The following AMPH variants were observed in gnomAD, a reference collection of about 807,000 sequenced individuals.
AMPH encodes amphiphysin (Stiff-Mann syndrome with breast cancer 128kD autoantigen).
In AMPH, 49 loss-of-function variants were observed where a neutral mutation model predicts 99.1. The observed-to-expected ratio is 0.49, with a 90% CI of 0.39 to 0.63. AMPH has a LOEUF of 0.63. AMPH is among the 20% of genes least tolerant of loss of function. The pLI is 0.00. For missense variants in AMPH, 759 were observed against 863.4 expected, an observed-to-expected ratio of 0.88 and a Z score of 1.52; for synonymous variants, 314 against 317.3, an observed-to-expected ratio of 0.99 and a Z score of 0.11.
intron 1 of AMPH, among the ~76,000 whole-genome samples, chr7:38,613,957 G>A (rs1793774738): frequency 6.6e-6 from 1 of 152,070 alleles, no homozygotes; most frequent in Non-Finnish European, 1.5e-5. Context: ...TACTCAACAT[G>A]TGACATGGCA....
At chr7:38,445,837 T>C (rs554974386) in intron 11 of AMPH, among the ~76,000 whole-genome samples, 1 of 152,236 alleles carries the variant, frequency 6.6e-6, no homozygotes, top group South Asian at 2.1e-4. Flanking sequence ...GACTGGATCA[T>C]GGGGGCGGAG....
At chr7:38,467,546 A>G (rs1472663405) in intron 7 of AMPH, among the ~76,000 whole-genome samples, 3 of 152,120 alleles carry the variant, frequency 2.0e-5, no homozygotes, top group Admixed American at 2.0e-4. Flanking sequence ...CTCTGGGTAC[A>G]TGCACAGTGG....
chr7:38,592,235 C>T (rs1175517092), intron 1 of AMPH, among the ~76,000 whole-genome samples: 2 of 152,184 alleles, frequency 1.3e-5, no homozygotes, highest in East Asian at 1.9e-4. Flanking sequence ...CAACCTTCAG[C>T]GTGGGCGTCA....
chr7:38,491,292 T>C (rs1173897954), intron 4 of AMPH, 147 bp from the exon 5 acceptor site: 6 of 604,508 alleles, frequency 9.9e-6, no homozygotes, highest in South Asian at 4.2e-5. Context: ...CATTTAATAA[T>C]GCAATAAAAT....
At chr7:38,494,648 A>G (rs1424233722) in intron 3 of AMPH, 121 bp from the exon 4 acceptor site, 4 of 805,694 alleles carry the variant, frequency 5.0e-6, no homozygotes, top group Non-Finnish European at 8.3e-6. Flanking sequence ...AGGAAAAACT[A>G]TAAAGGCACA....
Position 38,432,117 on chromosome 7 carries a change from A to G in AMPH, c.1158+72T>C, listed in dbSNP as rs1210906815. ...GTGTCTTCTTTCTGTTGCAAATGAAATAAAATATAACAAGGTTTCCAAATT... is the reference window on the plus strand; with the variant it reads ...GTGTCTTCTTTCTGTTGCAAATGAAGTAAAATATAACAAGGTTTCCAAATT... On this transcript the variant is annotated intron_variant, in intron 13 of 20. Coordinates refer to ENST00000356264, the MANE Select transcript of AMPH (RefSeq NM_001635.4). 4.6e-6 allele frequency: 6 copies of G among 1,295,840 alleles called. No individual in the cohort carries two copies. The South Asian group carries it at 5.9e-5, about 13-fold the overall frequency. The allele number at this position is 1,295,840 out of a possible 1,614,324, so 80.3% of individuals were successfully genotyped here. A position where few individuals can be genotyped will look rare whatever the true frequency, so the allele number is the denominator to read the frequency against.
rs754144389 is a variant in AMPH at position 38,451,058 on chromosome 7, A to ATTT, written c.1017+10222_1017+10224dup. The stretch of plus-strand genomic sequence containing the variant: ...CAGACACATACTGCCATGCCCAGCT[A>ATTT]TTTTTTTTTTTTTTTGTAGAGACAG... On this transcript the variant is annotated intron_variant, in intron 11 of 20. Transcript: ENST00000356264. Among the ~76,000 whole-genome samples the ATTT allele has an allele frequency of 1.8e-3, 244 of 137,918 alleles. 4 individuals carry two copies. The highest frequency in any genetic ancestry group is 5.5e-3 in the African/African-American group (205 of 37,490). The allele number at this position is 137,918 out of a possible 152,430, so 90.5% of individuals were successfully genotyped here.
intron 1 of AMPH, among the ~76,000 whole-genome samples, chr7:38,568,888 C>G (rs902177633): frequency 6.6e-6 from 1 of 152,062 alleles, no homozygotes; most frequent in Admixed American, 6.5e-5. Context: ...TAAGAATTGC[C>G]CAAAGGAAAC....
intron 3 of AMPH, among the ~76,000 whole-genome samples, chr7:38,499,970 G>A (rs1789074821): frequency 1.3e-5 from 2 of 152,184 alleles, no homozygotes; most frequent in Admixed American, 1.3e-4. Context: ...ATGATTGTGA[G>A]GCCTCTGCAG....
At chr7:38,453,856 A>G (rs1057316467) in intron 11 of AMPH, among the ~76,000 whole-genome samples, 3 of 152,188 alleles carry the variant, frequency 2.0e-5, no homozygotes, top group Non-Finnish European at 2.9e-5. Flanking sequence ...TTGCCTTAAA[A>G]CACTCCCAGT....
chr7:38,429,312 C>T (rs1249777301), intron 14 of AMPH: 1 of 1,287,962 alleles, frequency 7.8e-7, no homozygotes, highest in Non-Finnish European at 1.0e-6. Context: ...GGCATGCTCA[C>T]TCTCTTCAGC....
At chr7:38,504,178 T>G (rs935551573) in intron 2 of AMPH, among the ~76,000 whole-genome samples, 1 of 152,212 alleles carries the variant, frequency 6.6e-6, no homozygotes, top group African/African-American at 2.4e-5. Flanking sequence ...TTTATATAGA[T>G]TACATGTTAA....
intron 14 of AMPH, 171 bp downstream of exon 14, chr7:38,429,671 G>A: frequency 7.5e-7 from 1 of 1,326,196 alleles, no homozygotes. Flanking sequence ...AAGCTCTTCA[G>A]GCGAGTAGCA....
chr7:38,597,511 A>T (rs1266337083), intron 1 of AMPH, among the ~76,000 whole-genome samples: 2 of 152,200 alleles, frequency 1.3e-5, no homozygotes, highest in East Asian at 3.8e-4. Flanking sequence ...GCTCTGAGGT[A>T]ATTCACTGTC....
At chr7:38,567,773 G>C (rs972037266) in intron 1 of AMPH, among the ~76,000 whole-genome samples, 8 of 152,052 alleles carry the variant, frequency 5.3e-5, no homozygotes, top group African/African-American at 1.9e-4. Flanking sequence ...TAGTTTTTAA[G>C]CCAGGAAATT....
chr7:38,403,857 T>C (rs1303427151), intron 17 of AMPH, among the ~76,000 whole-genome samples: 1 of 152,166 alleles, frequency 6.6e-6, no homozygotes. Flanking sequence ...CAAGTGCACT[T>C]GGAGAAAGCC....
chr7:38,504,896 T>C (rs956981200), intron 2 of AMPH, among the ~76,000 whole-genome samples: 3 of 152,192 alleles, frequency 2.0e-5, no homozygotes, highest in Non-Finnish European at 4.4e-5. Context: ...TGCATAGTCA[T>C]TTAACAAAAT....
At chr7:38,392,039 C>T (rs761996222) in intron 18 of AMPH, 22 bp from the exon 19 acceptor site, 28 of 1,599,556 alleles carry the variant, frequency 1.8e-5, no homozygotes, top group Non-Finnish European at 2.1e-5. Context: ...AAAACCGTGG[C>T]GATGCCCGGC....
intron 6 of AMPH, 152 bp from the exon 7 acceptor site, chr7:38,475,568 A>G (rs1029395779): frequency 5.0e-6 from 3 of 598,824 alleles, no homozygotes; most frequent in Admixed American, 6.2e-5. Context: ...TTGTTTTTCA[A>G]TTAAACATGA....
Sources: gnomAD v4.1 joint callset for allele counts (sites outside exome capture counted in the v4.1 genomes callset) on GRCh38, gnomAD v4.1.1 for gene constraint, MANE v1.5 for transcripts, NCBI Gene and HGNC (gene_info 2026-07-23, HGNC 2026-07-21) for gene names.